PTPRG: variants seen among roughly 807,000 people sequenced by gnomAD.
PTPRG encodes protein tyrosine phosphatase receptor type G.
In PTPRG, 102 loss-of-function variants were observed where a neutral mutation model predicts 165.3. That is an observed-to-expected ratio of 0.62 (90% CI 0.53 to 0.73). The LOEUF (loss-of-function observed/expected upper bound fraction) is 0.73. Ranked by LOEUF, PTPRG falls within the 30% of genes least tolerant of loss-of-function variation. The pLI is 0.00. For synonymous variants in PTPRG, 675 were observed against 669.5 expected (o/e 1.01, Z -0.13); for missense variants, 1,866 against 1,861.4 (o/e 1.00, Z -0.05).
chr3:62,141,487 T>G (rs1046689530), intron 6 of PTPRG, among the ~76,000 whole-genome samples: 5 of 152,016 alleles, frequency 3.3e-5, no homozygotes, highest in Non-Finnish European at 5.9e-5. Context: ...TAGTCCCAGC[T>G]ATTTTGGGGA....
chr3:62,014,350 C>T (rs1384756157), intron 4 of PTPRG, among the ~76,000 whole-genome samples: 1 of 152,104 alleles, frequency 6.6e-6, no homozygotes, highest in Non-Finnish European at 1.5e-5. Flanking sequence ...TGGAGACCAG[C>T]TGGGCAAATT....
chr3:61,983,330 G>A (rs1183630718), intron 2 of PTPRG, among the ~76,000 whole-genome samples: 2 of 151,986 alleles, frequency 1.3e-5, no homozygotes, highest in African/African-American at 4.8e-5. Flanking sequence ...ATTATAATAG[G>A]TAAAAATGAT....
In PTPRG at chr3:61,988,080, T is replaced by C. The variant is rs572716840; in HGVS notation, c.191-1545T>C. ...TTTCCGGATAGTAGCGCGACACTTATAAATGACTTAAAAGTGCCCCAAGGT... is the reference window on the plus strand; with the variant it reads ...TTTCCGGATAGTAGCGCGACACTTACAAATGACTTAAAAGTGCCCCAAGGT... On this transcript the variant is annotated intron_variant, in intron 2 of 29. Coordinates refer to ENST00000474889, the MANE Select transcript of PTPRG (RefSeq NM_002841.4). Among the ~76,000 whole-genome samples, 9 of 152,318 alleles carry C rather than the reference T, an allele frequency of 5.9e-5. No homozygotes were observed. The East Asian group carries it at 9.6e-4, about 16-fold the overall frequency.
chr3:61,986,045 A>T (rs2040753540), intron 2 of PTPRG, among the ~76,000 whole-genome samples: 1 of 152,346 alleles, frequency 6.6e-6, no homozygotes, highest in East Asian at 1.9e-4. Flanking sequence ...AGAAGTCAGT[A>T]GATAGATGGG....
At chr3:61,674,147 T>G (rs1365788202) in intron 1 of PTPRG, among the ~76,000 whole-genome samples, 1 of 151,278 alleles carries the variant, frequency 6.6e-6, no homozygotes, top group Non-Finnish European at 1.5e-5. Context: ...AACCTGCACG[T>G]TCTGCACATG....
chr3:62,117,146 C>G lies in PTPRG; in HGVS notation c.616-15456C>G, dbSNP rs568790418. ...CCTGGTGACCCAATTATTATTCAAA[C>G]GGACCATCTTTAGTCATTTATAGAG... is the stretch of plus-strand genomic sequence containing the variant. On this transcript the variant is annotated intron_variant, in intron 5 of 29. Transcript: ENST00000474889. 1.8e-3 allele frequency among the ~76,000 whole-genome samples: 277 copies of G among 152,216 alleles called. 3 individuals are homozygous for G. The highest frequency in any genetic ancestry group is 3.5e-3 in the Admixed American group (54 of 15,284).
At chr3:61,640,404 A>ATCCTCC (rs568796604) in intron 1 of PTPRG, among the ~76,000 whole-genome samples, 2 of 151,910 alleles carry the variant, frequency 1.3e-5, no homozygotes, top group Admixed American at 6.6e-5. Flanking sequence ...ATATGTGTTG[A>ATCCTCC]TCCTCCTCCT....
At chr3:62,005,064 G>T (rs1329868473) in intron 4 of PTPRG, among the ~76,000 whole-genome samples, 1 of 152,150 alleles carries the variant, frequency 6.6e-6, no homozygotes, top group Non-Finnish European at 1.5e-5. Context: ...ATATGGCCAT[G>T]TATATTTGTT....
rs1272928427 is a variant in PTPRG at position 62,293,339 on chromosome 3, A to G, written c.*32A>G. The G allele has an allele frequency of 1.3e-6, 2 of 1,492,452 alleles. No individual in the cohort carries two copies. Among genetic ancestry groups the G allele is most frequent in the Non-Finnish European group, 1.8e-6 (2 of 1,123,194 alleles). 92.5% of individuals were successfully genotyped at this position (1,492,452 alleles called of 1,614,324 possible). A position where few individuals can be genotyped will look rare whatever the true frequency, so the allele number is the denominator to read the frequency against. ...TCCTGAAAGGGCACTTAATTTGTAA[A>G]CTTCTGAAGACTGAGAACTTTTTTG... On this transcript the variant is annotated 3_prime_UTR_variant, in exon 30 of 30. Transcript: ENST00000474889.
At chr3:62,165,161 T>G (rs1372870115) in intron 7 of PTPRG, among the ~76,000 whole-genome samples, 2 of 152,246 alleles carry the variant, frequency 1.3e-5, no homozygotes, top group Non-Finnish European at 2.9e-5. Flanking sequence ...AAATTACTCC[T>G]TACTCACCTT....
chr3:62,274,647 T>C (rs1439925715), intron 23 of PTPRG, among the ~76,000 whole-genome samples: 1 of 152,168 alleles, frequency 6.6e-6, no homozygotes, highest in Non-Finnish European at 1.5e-5. Flanking sequence ...TTCCATAGAC[T>C]GAAACTTTCA....
intron 2 of PTPRG, among the ~76,000 whole-genome samples, chr3:61,892,672 C>T (rs545683925): frequency 3.9e-5 from 6 of 152,018 alleles, no homozygotes; most frequent in South Asian, 4.2e-4. Context: ...CAAAATTAGC[C>T]GGGTGTGGTG....
chr3:62,052,413 G>C (rs80236841), intron 4 of PTPRG, among the ~76,000 whole-genome samples: 1 of 152,298 alleles, frequency 6.6e-6, no homozygotes, highest in East Asian at 1.9e-4. Context: ...GTTCTGTCAA[G>C]GCCAGGCATA....
chr3:61,846,646 T>G (rs1198138170), intron 2 of PTPRG, among the ~76,000 whole-genome samples: 1 of 147,104 alleles, frequency 6.8e-6, no homozygotes, highest in Non-Finnish European at 1.5e-5. Flanking sequence ...TTGGGCGTGG[T>G]GGCTCATGCT....
intron 2 of PTPRG, among the ~76,000 whole-genome samples, chr3:61,837,839 A>T (rs770089856): frequency 6.6e-6 from 1 of 152,194 alleles, no homozygotes; most frequent in Non-Finnish European, 1.5e-5. Flanking sequence ...GTCAAATATC[A>T]GTGTATTGCA....
chr3:61,918,664 C>T (rs946948570), intron 2 of PTPRG, among the ~76,000 whole-genome samples: 7 of 152,152 alleles, frequency 4.6e-5, no homozygotes, highest in African/African-American at 1.7e-4. Context: ...GCAAGGATAG[C>T]TTCCTTTACT....
intron 1 of PTPRG, among the ~76,000 whole-genome samples, chr3:61,728,548 C>T (rs2032354885): frequency 6.6e-6 from 1 of 151,832 alleles, no homozygotes; most frequent in African/African-American, 2.4e-5. Context: ...GCACCACTGC[C>T]CTCCAGCCTG....
intron 5 of PTPRG, among the ~76,000 whole-genome samples, chr3:62,089,969 A>T (rs1358379978): frequency 6.6e-6 from 1 of 152,196 alleles, no homozygotes; most frequent in Middle Eastern, 3.2e-3. Context: ...ACCTCCATGT[A>T]TCAACTGGCC....
At chr3:61,953,456 C>G (rs1369560335) in intron 2 of PTPRG, among the ~76,000 whole-genome samples, 2 of 152,184 alleles carry the variant, frequency 1.3e-5, no homozygotes, top group African/African-American at 4.8e-5. Context: ...AGTATCAGTG[C>G]CTCTAGGAAC....
Sources: gnomAD v4.1 joint callset for allele counts (sites outside exome capture counted in the v4.1 genomes callset) on GRCh38, gnomAD v4.1.1 for gene constraint, MANE v1.5 for transcripts, NCBI Gene and HGNC (gene_info 2026-07-23, HGNC 2026-07-21) for gene names.